RCAN1: variants seen among roughly 807,000 people sequenced by gnomAD.
RCAN1 encodes regulator of calcineurin 1.
A neutral mutation model predicts 22.9 loss-of-function variants in RCAN1; 11 were observed. The observed-to-expected ratio is 0.48, with a 90% confidence interval of 0.30 to 0.79. The LOEUF (loss-of-function observed/expected upper bound fraction) is 0.79, where lower values mean the gene tolerates loss of function less well. Ranked by LOEUF, RCAN1 falls within the 30% of genes least tolerant of loss-of-function variation. The pLI is 0.06. For missense variants in RCAN1, 291 were observed against 337.8 expected (o/e 0.86, Z 1.09); for synonymous variants, 136 against 142.3 (o/e 0.96, Z 0.32).
At chr21:34,546,717 G>A (rs1369189266) in intron 1 of RCAN1, among the ~76,000 whole-genome samples, 1 of 152,182 alleles carries the variant, frequency 6.6e-6, no homozygotes, top group Non-Finnish European at 1.5e-5. Flanking sequence ...AGGAACTGAA[G>A]AATAGGAGGA....
At chr21:34,595,786 C>G (rs985385366) in intron 1 of RCAN1, among the ~76,000 whole-genome samples, 2 of 152,208 alleles carry the variant, frequency 1.3e-5, no homozygotes, top group Non-Finnish European at 2.9e-5. Context: ...CTGATGGGGG[C>G]CACTGGGCAG....
At chr21:34,538,906 G>C (rs1985796660) in intron 1 of RCAN1, among the ~76,000 whole-genome samples, 1 of 152,142 alleles carries the variant, frequency 6.6e-6, no homozygotes, top group African/African-American at 2.4e-5. Context: ...AACCCGCAAG[G>C]CCCAAGCTCA....
intron 1 of RCAN1, among the ~76,000 whole-genome samples, chr21:34,574,800 C>T (rs1019828278): frequency 6.6e-6 from 1 of 152,210 alleles, no homozygotes; most frequent in Admixed American, 6.5e-5. Flanking sequence ...GGGTGCCTCC[C>T]GCGTCAGAAG....
At chr21:34,531,667 T>C (rs1365181221) in intron 1 of RCAN1, among the ~76,000 whole-genome samples, 1 of 152,202 alleles carries the variant, frequency 6.6e-6, no homozygotes, top group Admixed American at 6.5e-5. Context: ...CCAGGCAGAC[T>C]GTTCAAGGTC....
At chr21:34,580,308 G>A (rs1347126982) in intron 1 of RCAN1, among the ~76,000 whole-genome samples, 2 of 152,232 alleles carry the variant, frequency 1.3e-5, no homozygotes, top group Non-Finnish European at 2.9e-5. Context: ...ATTCAGGCCT[G>A]ATAGTAGGCA....
intron 1 of RCAN1, among the ~76,000 whole-genome samples, chr21:34,540,655 A>G (rs1223381373): frequency 6.6e-6 from 1 of 152,124 alleles, no homozygotes; most frequent in Non-Finnish European, 1.5e-5. Flanking sequence ...TCTTCCTTAG[A>G]GATATAAAGA....
At chr21:34,521,852 G>A in intron 2 of RCAN1, 194 bp from the exon 3 acceptor site, 2 of 573,064 alleles carry the variant, frequency 3.5e-6, no homozygotes, top group Non-Finnish European at 6.2e-6. Context: ...TTGTGGCACA[G>A]ATAGGATGAC....
At chr21:34,553,384 C>T (rs1318588553) in intron 1 of RCAN1, among the ~76,000 whole-genome samples, 1 of 152,172 alleles carries the variant, frequency 6.6e-6, no homozygotes, top group Admixed American at 6.5e-5. Context: ...GTGTCTGGAT[C>T]AGTATGCCAC....
intron 1 of RCAN1, among the ~76,000 whole-genome samples, chr21:34,547,466 A>G (rs753852757): frequency 1.2e-4 from 19 of 152,240 alleles, no homozygotes; most frequent in Admixed American, 3.9e-4. Flanking sequence ...ACTTTGTCCA[A>G]TGCTAATGGA....
chr21:34,516,616 C>A lies in RCAN1; in HGVS notation c.*1468G>T, dbSNP rs1825567717. 1 of 152,232 alleles carries A rather than the reference C, an allele frequency of 6.6e-6. No homozygotes were observed. Among genetic ancestry groups the A allele is most frequent in the Non-Finnish European group, 1.5e-5 (1 of 68,046 alleles). The allele number at this position is 152,232 out of a possible 1,614,324, so 9.4% of individuals were successfully genotyped here. On this transcript the variant is annotated 3_prime_UTR_variant, in exon 4 of 4. Coordinates refer to ENST00000313806, the MANE Select transcript of RCAN1 (RefSeq NM_004414.7). Reference sequence around the variant, plus strand: ...CAGCGATGCAATGGTCTCTCCCAAACCGGCTCCCTCTTACCAAGTACCGTA... The same window carrying A: ...CAGCGATGCAATGGTCTCTCCCAAAACGGCTCCCTCTTACCAAGTACCGTA...
intron 1 of RCAN1, among the ~76,000 whole-genome samples, chr21:34,569,691 C>T (rs982584067): frequency 2.0e-5 from 3 of 152,218 alleles, no homozygotes; most frequent in Admixed American, 1.3e-4. Flanking sequence ...GAAAAAGCGA[C>T]TCACAATTTA....
intron 1 of RCAN1, among the ~76,000 whole-genome samples, chr21:34,526,073 A>G (rs909724064): frequency 2.2e-4 from 34 of 152,210 alleles, no homozygotes; most frequent in African/African-American, 8.0e-4. Flanking sequence ...TTACATTTTA[A>G]TCAAATGAAG....
intron 1 of RCAN1, among the ~76,000 whole-genome samples, chr21:34,598,847 C>T (rs144820417): frequency 2.1e-3 from 319 of 152,020 alleles, no homozygotes; most frequent in Non-Finnish European, 3.7e-3. Context: ...AAGATATACA[C>T]AATCAGTTTA....
Position 34,581,406 on chromosome 21 carries a change from CT to C in RCAN1, c.252+33353del, listed in dbSNP as rs1345506056. On this transcript the variant is annotated intron_variant, in intron 1 of 3. Transcript: ENST00000313806. ...AAAACAAAATGAGTATCTCAGAGAG[CT>C]GAAAAATGAATTGCTGTTGCCCCCA... Among the ~76,000 whole-genome samples the C allele has an allele frequency of 1.2e-4, 18 of 152,238 alleles. No homozygotes were observed. In the South Asian group the frequency reaches 3.5e-3, roughly 30 times the overall value.
At chr21:34,610,012 G>C (rs1031941630) in intron 1 of RCAN1, among the ~76,000 whole-genome samples, 9 of 152,140 alleles carry the variant, frequency 5.9e-5, no homozygotes, top group African/African-American at 2.2e-4. Context: ...ATTTAAATCT[G>C]AGAAACCGCA....
At chr21:34,567,923 T>A (rs180678510) in intron 1 of RCAN1, among the ~76,000 whole-genome samples, 1 of 152,332 alleles carries the variant, frequency 6.6e-6, no homozygotes, top group Admixed American at 6.5e-5. Flanking sequence ...TATTTCCCTA[T>A]GTTCCTTCTG....
At chr21:34,519,397 C>CTTTCTT (rs1555853490) in intron 3 of RCAN1, among the ~76,000 whole-genome samples, 7 of 102,788 alleles carry the variant, frequency 6.8e-5, no homozygotes, top group Admixed American at 5.6e-4. Context: ...TTCTTTCTTT[C>CTTTCTT]TTTTTTTTTT....
intron 1 of RCAN1, among the ~76,000 whole-genome samples, chr21:34,602,142 C>A (rs550671221): frequency 6.6e-6 from 1 of 152,254 alleles, no homozygotes; most frequent in African/African-American, 2.4e-5. Flanking sequence ...CGTTACCATG[C>A]TACATGCAAT....
chr21:34,552,638 T>A (rs944992969), intron 1 of RCAN1, among the ~76,000 whole-genome samples: 2 of 151,710 alleles, frequency 1.3e-5, no homozygotes, highest in Non-Finnish European at 2.9e-5. Flanking sequence ...GCAGACTCCA[T>A]TCCTAACTGA....
Sources: allele counts gnomAD v4.1 joint callset (sites outside exome capture counted in the v4.1 genomes callset), GRCh38; gene constraint gnomAD v4.1.1; transcripts MANE v1.5; gene names NCBI Gene and HGNC (gene_info 2026-07-23, HGNC 2026-07-21).